CACNG2: variants seen among roughly 807,000 people sequenced by gnomAD.
The protein encoded by CACNG2 is voltage-dependent calcium channel gamma-2 subunit.
Under a neutral mutation model 25.9 loss-of-function variants are expected in CACNG2, and 3 were observed. The ratio of observed to expected loss-of-function variants is 0.12; its 90% CI spans 0.05 to 0.30. The LOEUF is 0.30. CACNG2 is among the 10% of genes least tolerant of loss of function. CACNG2 has a pLI of 1.00. For synonymous variants in CACNG2, 167 were observed against 173.3 expected (o/e 0.96, Z 0.29); for missense variants, 341 against 432.5 (o/e 0.79, Z 1.88).
chr22:36,605,021 T>C (rs182305741), intron 1 of CACNG2, among the ~76,000 whole-genome samples: 168 of 152,282 alleles, frequency 1.1e-3, no homozygotes, highest in Middle Eastern at 3.4e-3. Flanking sequence ...GCAATCCTCC[T>C]GCCTCAGCCT....
At chr22:36,664,480 T>C (rs1326157533) in intron 1 of CACNG2, among the ~76,000 whole-genome samples, 2 of 152,090 alleles carry the variant, frequency 1.3e-5, no homozygotes, top group Non-Finnish European at 1.5e-5. Context: ...TTAATCACAC[T>C]AAGGATGCAT....
At chr22:36,681,831 A>C (rs1053504840) in intron 1 of CACNG2, among the ~76,000 whole-genome samples, 2 of 152,174 alleles carry the variant, frequency 1.3e-5, no homozygotes, top group Non-Finnish European at 2.9e-5. Context: ...AATAAGGACT[A>C]TACAGTAGAT....
At chr22:36,696,255 T>C (rs1235158820) in intron 1 of CACNG2, among the ~76,000 whole-genome samples, 2 of 152,156 alleles carry the variant, frequency 1.3e-5, no homozygotes, top group African/African-American at 4.8e-5. Flanking sequence ...CAAGCACTTT[T>C]TGTTTCCATT....
chr22:36,629,986 C>T (rs1171816993), intron 1 of CACNG2, among the ~76,000 whole-genome samples: 3 of 152,194 alleles, frequency 2.0e-5, no homozygotes, highest in African/African-American at 4.8e-5. Context: ...CATGCTGCCC[C>T]CTGCATCAGT....
At chr22:36,597,916 G>T (rs1200516732) in intron 1 of CACNG2, among the ~76,000 whole-genome samples, 2 of 152,214 alleles carry the variant, frequency 1.3e-5, no homozygotes, top group African/African-American at 4.8e-5. Flanking sequence ...TTTGTGTATT[G>T]TTGTTTGGGA....
intron 1 of CACNG2, among the ~76,000 whole-genome samples, chr22:36,694,158 C>T (rs1937302914): frequency 6.6e-6 from 1 of 152,214 alleles, no homozygotes; most frequent in Non-Finnish European, 1.5e-5. Flanking sequence ...CTACGTTTCT[C>T]CCTGCAGCAA....
chr22:36,679,579 G>A (rs1161446254), intron 1 of CACNG2, among the ~76,000 whole-genome samples: 3 of 152,302 alleles, frequency 2.0e-5, no homozygotes, highest in Admixed American at 6.5e-5. Context: ...TTCTATCAAC[G>A]TTGGGGACTG....
At chr22:36,698,955 T>C (rs1159718070) in intron 1 of CACNG2, among the ~76,000 whole-genome samples, 1 of 152,142 alleles carries the variant, frequency 6.6e-6, no homozygotes. Flanking sequence ...GATGTTTCCT[T>C]TAGGTGACAA....
At chr22:36,680,532 C>T (rs1195754204) in intron 1 of CACNG2, among the ~76,000 whole-genome samples, 1 of 149,492 alleles carries the variant, frequency 6.7e-6, no homozygotes, top group African/African-American at 2.5e-5. Context: ...ATCACTGCCA[C>T]CTGCATCATG....
intron 1 of CACNG2, among the ~76,000 whole-genome samples, chr22:36,653,534 C>T (rs534836500): frequency 1.6e-5 from 2 of 126,402 alleles, no homozygotes; most frequent in African/African-American, 5.8e-5. Flanking sequence ...ATGCTTCCTC[C>T]GTCAGGCACC....
intron 1 of CACNG2, among the ~76,000 whole-genome samples, chr22:36,659,565 C>T (rs1936758188): frequency 7.3e-6 from 1 of 136,984 alleles, no homozygotes; most frequent in South Asian, 2.5e-4. Context: ...TCCTGTGACC[C>T]GGGCTGAGGG....
At chr22:36,566,612 G>T in intron 2 of CACNG2, 119 bp from the exon 3 acceptor site, 1 of 1,109,546 alleles carries the variant, frequency 9.0e-7, no homozygotes, top group Non-Finnish European at 1.4e-6. Flanking sequence ...AGCCTTAGAG[G>T]AGAGGTTGCT....
intron 1 of CACNG2, among the ~76,000 whole-genome samples, chr22:36,696,578 C>T (rs1937344248): frequency 6.6e-6 from 1 of 152,150 alleles, no homozygotes; most frequent in South Asian, 2.1e-4. Context: ...TTGCTGTGGG[C>T]ACAGCAGTGA....
chr22:36,694,737 A>G (rs988383894), intron 1 of CACNG2, among the ~76,000 whole-genome samples: 25 of 152,190 alleles, frequency 1.6e-4, no homozygotes, highest in African/African-American at 5.8e-4. Flanking sequence ...AGGCTTAGGA[A>G]CTTGTTCACC....
Position 36,604,605 on chromosome 22 carries a change from C to A in CACNG2, c.212-17057G>T, listed in dbSNP as rs543311031. ...TTCAGCAACCACCACCCTGGTCAATCAGCAGCTATCAACATCGAGGCAAGA... is the reference window on the plus strand; with the variant it reads ...TTCAGCAACCACCACCCTGGTCAATAAGCAGCTATCAACATCGAGGCAAGA... On this transcript the variant is annotated intron_variant, in intron 1 of 3. Transcript: ENST00000300105. 5.9e-5 allele frequency among the ~76,000 whole-genome samples: 9 copies of A among 152,314 alleles called. No homozygotes were observed. The East Asian group carries it at 1.2e-3, about 20-fold the overall frequency.
At chr22:36,686,514 C>G (rs1046880101) in intron 1 of CACNG2, among the ~76,000 whole-genome samples, 1 of 152,218 alleles carries the variant, frequency 6.6e-6, no homozygotes, top group African/African-American at 2.4e-5. Context: ...CAGACTCAGG[C>G]ATGCAATGGG....
At chr22:36,691,585 T>C (rs2146014880) in intron 1 of CACNG2, among the ~76,000 whole-genome samples, 1 of 152,266 alleles carries the variant, frequency 6.6e-6, no homozygotes, top group Admixed American at 6.5e-5. Context: ...ATATAATTAG[T>C]GTCATAGAAG....
At chr22:36,573,782 C>T (rs1182556237) in intron 2 of CACNG2, among the ~76,000 whole-genome samples, 1 of 152,252 alleles carries the variant, frequency 6.6e-6, no homozygotes, top group Admixed American at 6.5e-5. Flanking sequence ...AGGCTCTACA[C>T]TTTGCTGCCC....
intron 1 of CACNG2, among the ~76,000 whole-genome samples, chr22:36,679,820 T>C (rs142971336): frequency 1.6e-4 from 24 of 152,290 alleles, no homozygotes; most frequent in African/African-American, 5.8e-4. Context: ...TCAGAATTTT[T>C]CTTCTAAAAT....
Sources: gnomAD v4.1 joint callset for allele counts (sites outside exome capture counted in the v4.1 genomes callset) on GRCh38, gnomAD v4.1.1 for gene constraint, MANE v1.5 for transcripts, NCBI Gene and HGNC (gene_info 2026-07-23, HGNC 2026-07-21) for gene names.